Variants in RBM20 observed in about 807,000 individuals in gnomAD.
The protein encoded by RBM20 is RNA-binding protein 20.
Under a neutral mutation model 110.1 loss-of-function variants are expected in RBM20, and 51 were observed. The observed-to-expected ratio is 0.46, with a 90% CI of 0.37 to 0.59. The LOEUF (loss-of-function observed/expected upper bound fraction) is 0.59. Among genes scored for constraint, RBM20 ranks in the 20% least tolerant of loss-of-function variants. The pLI is 0.00. For missense variants in RBM20, 1,512 were observed against 1,574.9 expected, an observed-to-expected ratio of 0.96 and a Z score of 0.68; for synonymous variants, 589 against 618.2, an observed-to-expected ratio of 0.95 and a Z score of 0.70.
At chr10:110,802,971 T>C (rs2135085840) in intron 7 of RBM20, among the ~76,000 whole-genome samples, 1 of 152,154 alleles carries the variant, frequency 6.6e-6, no homozygotes, top group African/African-American at 2.4e-5. Context: ...TTGAGTTATT[T>C]GGCTTTAAGT....
intron 1 of RBM20, among the ~76,000 whole-genome samples, chr10:110,742,797 C>T (rs991831857): frequency 4.7e-4 from 72 of 152,272 alleles, no homozygotes; most frequent in African/African-American, 1.5e-3. Flanking sequence ...TATTTCAAAC[C>T]CCCAAAAGCT....
chr10:110,686,444 ACT>A (rs1374526158), intron 1 of RBM20, among the ~76,000 whole-genome samples: 3 of 151,442 alleles, frequency 2.0e-5, no homozygotes, highest in Non-Finnish European at 2.9e-5. Flanking sequence ...CCCAGTTAAA[ACT>A]CTCTGATTTT....
chr10:110,756,379 C>A (rs1204369193), intron 1 of RBM20: 1 of 152,240 alleles, frequency 6.6e-6, no homozygotes, highest in Non-Finnish European at 1.5e-5. Flanking sequence ...CAGAACGCTT[C>A]TAGTCTTTTC....
rs568322988 is a variant in RBM20 at position 110,699,896 on chromosome 10, T to A, written c.191+55251T>A. Among the ~76,000 whole-genome samples the A allele has an allele frequency of 5.9e-5, 9 of 152,268 alleles. 1 individual carries two copies. In the South Asian group the frequency reaches 1.9e-3, roughly 32 times the overall value. On this transcript the variant is annotated intron_variant, in intron 1 of 13. Coordinates refer to ENST00000369519, the MANE Select transcript of RBM20 (RefSeq NM_001134363.3). ...CGCACTGCCGTATCATCACCGTTTA[T>A]CCTATCATTGAGGTGGCTACTAAAT... is the stretch of plus-strand genomic sequence containing the variant.
At chr10:110,693,313 TG>T (rs1352725354) in intron 1 of RBM20, among the ~76,000 whole-genome samples, 1 of 152,326 alleles carries the variant, frequency 6.6e-6, no homozygotes, top group East Asian at 1.9e-4. Flanking sequence ...ATCAAATTTT[TG>T]GAAGAGTTTG....
chr10:110,802,750 G>A (rs555208906), intron 7 of RBM20, among the ~76,000 whole-genome samples: 3 of 152,348 alleles, frequency 2.0e-5, no homozygotes, highest in East Asian at 1.9e-4. Context: ...TGGGCCAGGT[G>A]CCATGGAGGG....
At chr10:110,735,706 A>G (rs1246311236) in intron 1 of RBM20, among the ~76,000 whole-genome samples, 1 of 152,224 alleles carries the variant, frequency 6.6e-6, no homozygotes, top group Non-Finnish European at 1.5e-5. Context: ...CATCTAGCGC[A>G]TGAGCATGTC....
At chr10:110,767,444 T>C (rs1844116309) in intron 1 of RBM20, among the ~76,000 whole-genome samples, 6 of 141,190 alleles carry the variant, frequency 4.2e-5, no homozygotes, top group East Asian at 2.3e-4. Flanking sequence ...CGCTCCTCAC[T>C]TCCCAGACGG....
chr10:110,717,470 C>G (rs1171051239), intron 1 of RBM20, among the ~76,000 whole-genome samples: 2 of 152,154 alleles, frequency 1.3e-5, no homozygotes, highest in African/African-American at 4.8e-5. Context: ...TGACAGGCCC[C>G]CAAGAACCCC....
In RBM20 at chr10:110,768,226, GGGGAGAGGGAGAGGGAGGGAAA is replaced by G. The variant is rs543585748; in HGVS notation, c.192-12557_192-12536del. Among the ~76,000 whole-genome samples the G allele has an allele frequency of 6.6e-3, 985 of 148,348 alleles. 3 individuals are homozygous for G. Among genetic ancestry groups the G allele is most frequent in the Non-Finnish European group, 1.0e-2 (666 of 66,934 alleles). ...GCATCAGAGGTAGACCGTGGAAAGA[GGGGAGAGGGAGAGGGAGGGAAA>G]GGGAGAGGGAGAGGGAGAGGGAGAA... On this transcript the variant is annotated intron_variant, in intron 1 of 13. Transcript: ENST00000369519.
At chr10:110,660,990 C>T (rs978859168) in intron 1 of RBM20, among the ~76,000 whole-genome samples, 3 of 152,112 alleles carry the variant, frequency 2.0e-5, no homozygotes, top group African/African-American at 7.2e-5. Context: ...TCCTTTCACC[C>T]TGCCCCCACC....
intron 1 of RBM20, among the ~76,000 whole-genome samples, chr10:110,749,094 C>G (rs1590652758): frequency 6.6e-6 from 1 of 152,234 alleles, no homozygotes; most frequent in South Asian, 2.1e-4. Flanking sequence ...TTCCCAATTA[C>G]AGTCAGAAAT....
At chr10:110,709,552 G>C (rs4918576) in intron 1 of RBM20, among the ~76,000 whole-genome samples, 3 of 149,100 alleles carry the variant, frequency 2.0e-5, no homozygotes, top group African/African-American at 5.0e-5. Context: ...TTAAAGATCA[G>C]TGATAATTTC....
intron 12 of RBM20, among the ~76,000 whole-genome samples, chr10:110,824,974 T>TA (rs1452075115): frequency 1.3e-5 from 2 of 151,762 alleles, no homozygotes; most frequent in Non-Finnish European, 2.9e-5. Flanking sequence ...CCTTCTCCTT[T>TA]AAAAAAATCT....
chr10:110,776,975 C>G (rs1328251013), intron 1 of RBM20, among the ~76,000 whole-genome samples: 3 of 152,116 alleles, frequency 2.0e-5, no homozygotes, highest in Admixed American at 2.0e-4. Context: ...CCTTTTTGAG[C>G]TGTTTGTGGG....
chr10:110,721,194 A>G (rs1279140814), intron 1 of RBM20, among the ~76,000 whole-genome samples: 1 of 152,114 alleles, frequency 6.6e-6, no homozygotes, highest in Non-Finnish European at 1.5e-5. Context: ...CTGACACATT[A>G]TACATTTACT....
intron 1 of RBM20, among the ~76,000 whole-genome samples, chr10:110,773,819 T>C (rs1010088489): frequency 2.6e-5 from 4 of 152,168 alleles, no homozygotes; most frequent in Non-Finnish European, 5.9e-5. Context: ...GCTGCCCCAT[T>C]GTGACTGCAT....
intron 7 of RBM20, among the ~76,000 whole-genome samples, chr10:110,808,256 G>C (rs1844720852): frequency 6.6e-6 from 1 of 152,236 alleles, no homozygotes; most frequent in Non-Finnish European, 1.5e-5. Context: ...ACACGGTGGG[G>C]TGGGAGGAGA....
chr10:110,667,042 G>A (rs1193338252), intron 1 of RBM20, among the ~76,000 whole-genome samples: 1 of 152,206 alleles, frequency 6.6e-6, no homozygotes, highest in Non-Finnish European at 1.5e-5. Context: ...GGGTTAGGTA[G>A]CACAGCCTGT....
Sources: allele counts gnomAD v4.1 joint callset (sites outside exome capture counted in the v4.1 genomes callset), GRCh38; gene constraint gnomAD v4.1.1; transcripts MANE v1.5; gene names NCBI Gene and HGNC (gene_info 2026-07-23, HGNC 2026-07-21).